The following SDR42E2 variants were observed in gnomAD, a reference collection of about 807,000 sequenced individuals.
SDR42E2 encodes the protein short chain dehydrogenase/reductase family 42E, member 2, also known as putative short-chain dehydrogenase/reductase family 42E member 2.
A neutral mutation model predicts 10.5 loss-of-function variants in SDR42E2; 20 were observed. That is an observed-to-expected ratio of 1.90 (90% confidence interval 1.34 to 2.77). The LOEUF is 2.77. SDR42E2 is among the 30% of genes most tolerant of loss of function. The probability of loss-of-function intolerance (pLI) is 0.00; values close to 1 mark genes in which losing one functional copy is unlikely to be tolerated. For synonymous variants in SDR42E2, 72 were observed against 39.2 expected, an observed-to-expected ratio of 1.84 and a Z score of -3.12; for missense variants, 162 against 104.2, an observed-to-expected ratio of 1.55 and a Z score of -2.42.
chr16:22,166,766 C>G, intron 3 of SDR42E2, 138 bp from the exon 4 acceptor site: 1 of 447,028 alleles, frequency 2.2e-6, no homozygotes, highest in Non-Finnish European at 4.0e-6. Context: ...TCCTGCCCCA[C>G]CAGCCTTTCC....
intron 7 of SDR42E2, among the ~76,000 whole-genome samples, chr16:22,172,981 A>G (rs1161681153): frequency 1.3e-5 from 2 of 152,034 alleles, no homozygotes; most frequent in Non-Finnish European, 2.9e-5. Flanking sequence ...GGGTCTCACT[A>G]TGTCATCCAG....
At chr16:22,171,216 C>T (rs1022207424) in intron 6 of SDR42E2, among the ~76,000 whole-genome samples, 11 of 152,028 alleles carry the variant, frequency 7.2e-5, no homozygotes, top group Non-Finnish European at 1.2e-4. Context: ...TCACTTAAGC[C>T]CTTTGAGCCT....
intron 7 of SDR42E2, among the ~76,000 whole-genome samples, chr16:22,173,073 C>T (rs923068522): frequency 2.6e-5 from 4 of 152,124 alleles, no homozygotes; most frequent in Non-Finnish European, 5.9e-5. Flanking sequence ...AGCCACCATG[C>T]CTGGCCTTGG....
chr16:22,181,005 C>CAA, intron 8 of SDR42E2, among the ~76,000 whole-genome samples: 1 of 151,680 alleles, frequency 6.6e-6, no homozygotes, highest in South Asian at 2.1e-4. Context: ...GAATCTGTCT[C>CAA]AAAAAAAAGA....
intron 7 of SDR42E2, among the ~76,000 whole-genome samples, chr16:22,176,074 C>T (rs1195772933): frequency 6.6e-6 from 1 of 151,774 alleles, no homozygotes; most frequent in Admixed American, 6.6e-5. Flanking sequence ...TATATAGTGA[C>T]TATAATTAAC....
At chr16:22,163,832 A>T (rs989379620) in intron 1 of SDR42E2, among the ~76,000 whole-genome samples, 1 of 152,178 alleles carries the variant, frequency 6.6e-6, no homozygotes, top group African/African-American at 2.4e-5. Flanking sequence ...TAGCTGCCAG[A>T]GTCCCTGCCC....
chr16:22,181,210 C>A (rs1380554813), intron 8 of SDR42E2, among the ~76,000 whole-genome samples: 1 of 151,954 alleles, frequency 6.6e-6, no homozygotes, highest in Admixed American at 6.6e-5. Flanking sequence ...TTGGACATGG[C>A]GTTTAAGACA....
At chr16:22,185,044 G>A (rs1234296105) in intron 11 of SDR42E2, among the ~76,000 whole-genome samples, 1 of 152,098 alleles carries the variant, frequency 6.6e-6, no homozygotes, top group Non-Finnish European at 1.5e-5. Context: ...TAGGACAAAC[G>A]GAGGCTCCAT....
In SDR42E2 at chr16:22,190,397, T is replaced by TCCGCCGC. The variant is rs1379519318; in HGVS notation, c.*10_*11insCCCGCCG. On this transcript the variant is annotated 3_prime_UTR_variant, in exon 13 of 13. Coordinates refer to ENST00000602312, the MANE Select transcript of SDR42E2 (RefSeq NM_001394319.2). The stretch of plus-strand genomic sequence containing the variant: ...CGCCGCCGTGGAGCGCCTGTGACCG[T>TCCGCCGC]CCGCCGTCCGCCGCCCGCTAGGGTC... 5.0e-6 allele frequency: 2 copies of TCCGCCGC among 401,348 alleles called. No individual in the cohort carries two copies. Among genetic ancestry groups the TCCGCCGC allele is most frequent in the African/African-American group, 4.1e-5 (2 of 48,616 alleles). The allele number at this position is 401,348 out of a possible 1,614,324, so 24.9% of individuals were successfully genotyped here.
rs987298282 is a variant in SDR42E2, at chr16:22,183,341, T to C, written c.877-840T>C. Among the ~76,000 whole-genome samples, 7 of 152,194 alleles carry C rather than the reference T, an allele frequency of 4.6e-5. 1 individual carries two copies. The East Asian group carries it at 1.2e-3, about 25-fold the overall frequency. ...TTTTAGTAGAGACAGGGTTTCACCA[T>C]GTTGGCCAGGCTGATCTCGATGCTT... On this transcript the variant is annotated intron_variant, in intron 10 of 12. Coordinates refer to ENST00000602312, the MANE Select transcript of SDR42E2 (RefSeq NM_001394319.2).
At chr16:22,184,480 T>C (rs1016814914) in intron 11 of SDR42E2, among the ~76,000 whole-genome samples, 5 of 152,108 alleles carry the variant, frequency 3.3e-5, no homozygotes, top group African/African-American at 1.2e-4. Flanking sequence ...CGCACGCCTG[T>C]ATTCCCAGCT....
rs2046752525 is a variant in SDR42E2 at position 22,188,849 on chromosome 16, G to A, written c.1015-1290G>A. Among the ~76,000 whole-genome samples, 9 of 152,244 alleles carry A rather than the reference G, an allele frequency of 5.9e-5. 1 individual carries two copies. The South Asian group carries it at 1.9e-3, about 32-fold the overall frequency. The stretch of plus-strand genomic sequence containing the variant: ...TATGCATTTAACATAAATGTTACCA[G>A]GCACTGTGCTGAGCAACGGAGGCAA... On this transcript the variant is annotated intron_variant, in intron 12 of 12. Transcript: ENST00000602312.
intron 12 of SDR42E2, among the ~76,000 whole-genome samples, chr16:22,187,299 G>A (rs2046742831): frequency 6.6e-6 from 1 of 151,964 alleles, no homozygotes; most frequent in Admixed American, 6.6e-5. Context: ...TATTGTCCAG[G>A]CTGGTTTCAA....
chr16:22,186,149 G>C (rs1232469504), intron 11 of SDR42E2, among the ~76,000 whole-genome samples: 1 of 152,212 alleles, frequency 6.6e-6, no homozygotes, highest in Middle Eastern at 3.4e-3. Context: ...AAGTGAGAGA[G>C]AGATTATTAT....
chr16:22,174,213 A>G (rs980606167), intron 7 of SDR42E2, among the ~76,000 whole-genome samples: 1 of 151,934 alleles, frequency 6.6e-6, no homozygotes, highest in South Asian at 2.1e-4. Flanking sequence ...CGTCCCTGTA[A>G]TCCCAGCTAC....
rs1030200555 is a variant in SDR42E2, at chr16:22,182,236, G to A, written c.835G>A (p.Asp279Asn). ...GAGTGGGCAGGCGTACTACATCAAC[G>A]ATGGGGAGAGCGTCAACCTCTTTGA... ...VASGQAYYIN[D>N]GESVNLFEWM... Residue 279 changes from aspartate (D) to asparagine (N), a missense_variant, in exon 10 of 13, where the codon GAT becomes AAT. By Grantham distance (23) the Asp-to-Asn change is conservative. Coordinates refer to ENST00000602312, the MANE Select transcript of SDR42E2 (RefSeq NM_001394319.2). 2.5e-6 allele frequency: 1 copy of A among 402,178 alleles called. No individual in the cohort carries two copies. 24.9% of individuals were successfully genotyped at this position (402,178 alleles called of 1,614,324 possible). A position where few individuals can be genotyped will look rare whatever the true frequency, so the allele number is the denominator to read the frequency against.
At chr16:22,188,441 C>T (rs576978170) in intron 12 of SDR42E2, among the ~76,000 whole-genome samples, 29 of 152,278 alleles carry the variant, frequency 1.9e-4, no homozygotes, top group African/African-American at 6.5e-4. Context: ...TGCTTTATCT[C>T]ATTTAACTGA....
intron 10 of SDR42E2, among the ~76,000 whole-genome samples, chr16:22,183,952 A>T (rs8044111): frequency 0.4 from 59,445 of 149,670 alleles, 13,242 homozygotes; most frequent in East Asian, 0.88. Context: ...AAAAAAAAAA[A>T]TTTTAACTAA....
chr16:22,177,607 G>A (rs2046655279), intron 7 of SDR42E2, among the ~76,000 whole-genome samples: 3 of 151,880 alleles, frequency 2.0e-5, no homozygotes, highest in Admixed American at 6.6e-5. Context: ...CAGCCTGGGC[G>A]GCAGAGCAAG....
Sources: allele counts gnomAD v4.1 joint callset (sites outside exome capture counted in the v4.1 genomes callset), GRCh38; gene constraint gnomAD v4.1.1; transcripts MANE v1.5; gene names NCBI Gene and HGNC (gene_info 2026-07-23, HGNC 2026-07-21).